The following DNAH6 variants were observed in gnomAD, a reference collection of about 807,000 sequenced individuals.
The protein encoded by DNAH6 is dynein axonemal heavy chain 6, also known as axonemal beta dynein heavy chain 6.
A neutral mutation model predicts 491.4 loss-of-function variants in DNAH6; 340 were observed. The observed-to-expected ratio is 0.69, with a 90% CI of 0.63 to 0.76. The LOEUF (loss-of-function observed/expected upper bound fraction) is 0.76, where lower values mean the gene tolerates loss of function less well. Among genes scored for constraint, DNAH6 ranks in the 30% least tolerant of loss-of-function variants. The pLI is 0.00. For synonymous variants in DNAH6, 1,603 were observed against 1,686.1 expected (o/e 0.95, Z 1.21); for missense variants, 4,443 against 4,972.2 (o/e 0.89, Z 3.20).
rs773988308 is a variant in DNAH6 at position 84,681,348 on chromosome 2, T to G, written c.6745-9T>G. ...ATCTAATCCTCTCATATTATGTTTC[T>G]GGTTCTAGGCCATCTTAAATGGTTT... is the stretch of plus-strand genomic sequence containing the variant. On this transcript the variant is annotated splice_polypyrimidine_tract_variant and intron_variant, in intron 41 of 76. Coordinates refer to ENST00000389394, the MANE Select transcript of DNAH6 (RefSeq NM_001370.2). 2.0e-6 allele frequency: 3 copies of G among 1,520,188 alleles called. No individual in the cohort carries two copies. Among genetic ancestry groups the G allele is most frequent in the Non-Finnish European group, 2.6e-6 (3 of 1,132,306 alleles). 94.2% of individuals were successfully genotyped at this position (1,520,188 alleles called of 1,614,324 possible). A position where few individuals can be genotyped will look rare whatever the true frequency, so the allele number is the denominator to read the frequency against.
chr2:84,699,271 T>C (rs1686023506), intron 47 of DNAH6, among the ~76,000 whole-genome samples: 1 of 151,942 alleles, frequency 6.6e-6, no homozygotes, highest in South Asian at 2.1e-4. Flanking sequence ...CCTGCCCCTC[T>C]CTCCCAGATG....
At chr2:84,637,804 G>GT (rs1689022933) in intron 31 of DNAH6, among the ~76,000 whole-genome samples, 1 of 152,166 alleles carries the variant, frequency 6.6e-6, no homozygotes, top group African/African-American at 2.4e-5. Context: ...TTATAAGTAT[G>GT]TATCAACTTA....
chr2:84,764,897 C>G (rs879832879), intron 64 of DNAH6, among the ~76,000 whole-genome samples: 3 of 151,942 alleles, frequency 2.0e-5, no homozygotes, highest in African/African-American at 7.3e-5. Flanking sequence ...TTTACAGAAA[C>G]ATTGTTTGTA....
intron 37 of DNAH6, among the ~76,000 whole-genome samples, chr2:84,664,764 G>T: frequency 6.6e-6 from 1 of 152,204 alleles, no homozygotes; most frequent in Non-Finnish European, 1.5e-5. Context: ...GACATCTACA[G>T]AACTCTCCAC....
At chr2:84,801,280 A>G (rs1052334737) in intron 70 of DNAH6, among the ~76,000 whole-genome samples, 4 of 151,772 alleles carry the variant, frequency 2.6e-5, no homozygotes, top group Non-Finnish European at 5.9e-5. Context: ...AAAAAAAAAA[A>G]AAAGAAAGTA....
At chr2:84,685,160 CA>C (rs1694148293) in intron 42 of DNAH6, among the ~76,000 whole-genome samples, 165 bp from the exon 43 acceptor site, 1 of 151,962 alleles carries the variant, frequency 6.6e-6, no homozygotes, top group South Asian at 2.1e-4. Context: ...GATTTGTTAT[CA>C]AAAAATGAGG....
intron 42 of DNAH6, 57 bp from the exon 43 acceptor site, chr2:84,685,269 T>C: frequency 7.9e-7 from 1 of 1,272,198 alleles, no homozygotes. Flanking sequence ...AAACTATTAC[T>C]GGAGATTCTA....
At chr2:84,511,336 A>G in the DNAH6 span, among the ~76,000 whole-genome samples, 1 of 152,206 alleles carries the variant, frequency 6.6e-6, no homozygotes, top group African/African-American at 2.4e-5. Context: ...TGTGCTAGCA[A>G]TGAGTGAGGC....
intron 30 of DNAH6, among the ~76,000 whole-genome samples, chr2:84,636,778 T>G (rs1688920363): frequency 6.6e-6 from 1 of 151,940 alleles, no homozygotes; most frequent in African/African-American, 2.4e-5. Flanking sequence ...TCCCAGCTAC[T>G]TGGCAGGCTG....
the DNAH6 span, among the ~76,000 whole-genome samples, chr2:84,493,698 A>G: frequency 7.2e-4 from 110 of 152,322 alleles, no homozygotes; most frequent in Non-Finnish European, 5.9e-5. Context: ...AAGGCTCCAG[A>G]AGGAATCGGC....
At chr2:84,601,491 T>C (rs1685245055) in intron 18 of DNAH6, among the ~76,000 whole-genome samples, 1 of 152,116 alleles carries the variant, frequency 6.6e-6, no homozygotes, top group Non-Finnish European at 1.5e-5. Flanking sequence ...ATAAGATTCC[T>C]TGTTCTAACA....
intron 4 of DNAH6, 32 bp from the exon 5 acceptor site, chr2:84,544,197 CTTTA>C (rs760132672): frequency 3.2e-5 from 36 of 1,138,944 alleles, no homozygotes; most frequent in Middle Eastern, 2.3e-4. Flanking sequence ...GTATTGAATA[CTTTA>C]TTTATTAGTC....
chr2:84,705,622 C>T lies in DNAH6; in HGVS notation c.8602C>T (p.Pro2868Ser), dbSNP rs761248763. Reference sequence around the variant, plus strand: ...GTATATTAATAATCCTGATTTTGTGCCTGAAAAAGTGGAGAAAGTGTCCAA... The same window carrying T: ...GTATATTAATAATCCTGATTTTGTGTCTGAAAAAGTGGAGAAAGTGTCCAA... ...QKYINNPDFVPEKVEKVSKAC... is the reference protein window; with the variant it reads ...QKYINNPDFVSEKVEKVSKAC... Residue 2868 changes from proline (P) to serine (S), a missense_variant, in exon 52 of 77, where the codon CCT becomes TCT. This residue lies in a region of DNAH6 where 1,463 missense variants were observed against 1,656.6 expected (regional missense o/e 0.88). Coordinates refer to ENST00000389394, the MANE Select transcript of DNAH6 (RefSeq NM_001370.2). The T allele has an allele frequency of 1.9e-6, 3 of 1,551,230 alleles. No homozygotes were observed. Among genetic ancestry groups the T allele is most frequent in the Admixed American group, 2.0e-5 (1 of 50,944 alleles).
chr2:84,610,817 C>T (rs150077384), intron 21 of DNAH6, among the ~76,000 whole-genome samples: 3 of 152,298 alleles, frequency 2.0e-5, no homozygotes, highest in Non-Finnish European at 2.9e-5. Flanking sequence ...CCTGTCCAGC[C>T]TTCTGGACTG....
intron 74 of DNAH6, 112 bp downstream of exon 74, chr2:84,813,242 T>C (rs1680170840): frequency 2.5e-6 from 2 of 786,960 alleles, no homozygotes; most frequent in Admixed American, 2.2e-5. Flanking sequence ...AATGAGGCTA[T>C]TGATCATAGG....
intron 64 of DNAH6, among the ~76,000 whole-genome samples, chr2:84,766,507 G>A (rs1313863389): frequency 6.6e-6 from 1 of 152,150 alleles, no homozygotes; most frequent in Non-Finnish European, 1.5e-5. Context: ...AAAACCTGTA[G>A]GATGTAGTAA....
intron 64 of DNAH6, among the ~76,000 whole-genome samples, chr2:84,768,900 G>A (rs1675345312): frequency 6.6e-6 from 1 of 152,196 alleles, no homozygotes; most frequent in Non-Finnish European, 1.5e-5. Context: ...CAATGGCAGA[G>A]TAGAAATTCC....
chr2:84,473,805 T>A, the DNAH6 span, among the ~76,000 whole-genome samples: 23 of 152,238 alleles, frequency 1.5e-4, no homozygotes, highest in Non-Finnish European at 2.9e-4. Context: ...GGGGCTATAA[T>A]TAACCCTGTC....
the DNAH6 span, among the ~76,000 whole-genome samples, chr2:84,491,707 C>T: frequency 6.6e-6 from 1 of 152,168 alleles, no homozygotes; most frequent in African/African-American, 2.4e-5. Context: ...CTGATCATTG[C>T]AATTTGAATC....
Sources: allele counts gnomAD v4.1 joint callset (sites outside exome capture counted in the v4.1 genomes callset), GRCh38; gene constraint gnomAD v4.1.1; regional missense constraint gnomAD v4.1.1; transcripts MANE v1.5; gene names NCBI Gene and HGNC (gene_info 2026-07-23, HGNC 2026-07-21).